RB1: variants seen among roughly 807,000 people sequenced by gnomAD.
The protein encoded by RB1 is retinoblastoma-associated protein.
Under a neutral mutation model 135.4 loss-of-function variants are expected in RB1, and 18 were observed. The ratio of observed to expected loss-of-function variants is 0.13; its 90% confidence interval spans 0.09 to 0.20. The LOEUF is 0.20. Among genes scored for constraint, RB1 ranks in the 10% least tolerant of loss-of-function variants. The pLI is 1.00. For missense variants in RB1, 868 were observed against 1,110.0 expected (o/e 0.78, Z 3.10); for synonymous variants, 365 against 373.2 (o/e 0.98, Z 0.25).
intron 17 of RB1, among the ~76,000 whole-genome samples, chr13:48,410,870 GACT>G (rs1185128342): frequency 2.6e-5 from 4 of 152,020 alleles, no homozygotes; most frequent in Admixed American, 2.6e-4. Context: ...TTCTACAGAA[GACT>G]ACGTTTTTAG....
intron 9 of RB1, 92 bp downstream of exon 9, chr13:48,365,063 ATCACATT>A: frequency 7.0e-7 from 1 of 1,424,068 alleles, no homozygotes; most frequent in Non-Finnish European, 9.3e-7. Context: ...TTTACTGTGT[ATCACATT>A]TTTTTTTTGC....
At chr13:48,456,406 A>G (rs1465125055) in intron 19 of RB1, 57 bp downstream of exon 19, 1 of 1,594,550 alleles carries the variant, frequency 6.3e-7, no homozygotes, top group East Asian at 2.3e-5. Flanking sequence ...GACTGGGTTC[A>G]AATCATGTTT....
At chr13:48,361,003 G>T (rs1294249456) in intron 7 of RB1, among the ~76,000 whole-genome samples, 1 of 152,060 alleles carries the variant, frequency 6.6e-6, no homozygotes, top group Admixed American at 6.6e-5. Flanking sequence ...GTATGGAGCA[G>T]AATTTTGAAG....
Position 48,319,024 on chromosome 13 carries a change from C to A in RB1, c.264+11618C>A. The stretch of plus-strand genomic sequence containing the variant: ...CCGGCAGGGTAGTCTTGGAAATGCC[C>A]AAGATTGCTTCCGCGCGCGTCAGTT... On this transcript the variant is annotated intron_variant, in intron 2 of 26. Transcript: ENST00000267163. This position sits in a 1 kb window ranked among gnomAD's most constrained non-coding sequence, Gnocchi z 5.0. 1 of 681,492 alleles carries A rather than the reference C, an allele frequency of 1.5e-6. No individual in the cohort carries two copies. Among genetic ancestry groups the A allele is most frequent in the South Asian group, 1.4e-5 (1 of 70,382 alleles). 42.2% of individuals were successfully genotyped at this position (681,492 alleles called of 1,614,324 possible).
chr13:48,318,496 C>T, intron 2 of RB1: 2 of 1,154,612 alleles, frequency 1.7e-6, no homozygotes, highest in Admixed American at 2.3e-5. Flanking sequence ...TTACCCTGGC[C>T]CTGCGTCATG....
chr13:48,451,354 G>A (rs954181681), intron 17 of RB1, among the ~76,000 whole-genome samples: 4 of 152,048 alleles, frequency 2.6e-5, no homozygotes, highest in Non-Finnish European at 5.9e-5. Flanking sequence ...TTTATCAAAG[G>A]CCTCTTCTGC....
chr13:48,445,432 T>TCTTTAGCAACCTCTC (rs1385197945), intron 17 of RB1, among the ~76,000 whole-genome samples: 1 of 152,172 alleles, frequency 6.6e-6, no homozygotes, highest in Non-Finnish European at 1.5e-5. Flanking sequence ...AGCAACCTCT[T>TCTTTAGCAACCTCTC]CTTTAGCAAC....
intron 4 of RB1, among the ~76,000 whole-genome samples, 175 bp downstream of exon 4, chr13:48,345,374 A>C (rs1952483617): frequency 6.6e-6 from 1 of 152,182 alleles, no homozygotes; most frequent in African/African-American, 2.4e-5. Context: ...AGTAATATGC[A>C]TTCTGAATGC....
intron 3 of RB1, among the ~76,000 whole-genome samples, chr13:48,343,683 A>G (rs1221970206): frequency 2.0e-5 from 3 of 152,206 alleles, no homozygotes; most frequent in Non-Finnish European, 1.5e-5. Flanking sequence ...GTATTGCCAT[A>G]TACCTCAAAA....
chr13:48,420,024 C>T (rs1948981218), intron 17 of RB1, among the ~76,000 whole-genome samples: 2 of 152,122 alleles, frequency 1.3e-5, no homozygotes, highest in Non-Finnish European at 2.9e-5. Context: ...GAGAGTCCTC[C>T]TTAACTCATT....
chr13:48,342,573 A>G, intron 2 of RB1, 26 bp from the exon 3 acceptor site: 1 of 1,337,590 alleles, frequency 7.5e-7, no homozygotes, highest in Non-Finnish European at 1.1e-6. Flanking sequence ...TTAATGAAAT[A>G]TTTGATCTTT....
intron 2 of RB1, chr13:48,328,068 CA>C: frequency 1.2e-6 from 1 of 825,600 alleles, no homozygotes; most frequent in Admixed American, 1.9e-5. Context: ...ACCCCAATTT[CA>C]AAACATCATT....
intron 17 of RB1, among the ~76,000 whole-genome samples, chr13:48,413,910 G>T (rs371783703): frequency 3.3e-5 from 5 of 152,004 alleles, no homozygotes; most frequent in African/African-American, 7.2e-5. Context: ...CAAAATTTTA[G>T]GTTCATAGTC....
chr13:48,440,164 C>A (rs1411113727), intron 17 of RB1, among the ~76,000 whole-genome samples: 4 of 152,100 alleles, frequency 2.6e-5, no homozygotes, highest in African/African-American at 9.7e-5. Context: ...TTTAATAAAG[C>A]TTCCTTGGGG....
At chr13:48,452,900 T>C (rs1368736011) in intron 17 of RB1, 93 bp from the exon 18 acceptor site, 3 of 1,553,612 alleles carry the variant, frequency 1.9e-6, no homozygotes, top group African/African-American at 1.4e-5. Context: ...CTAAAATTCA[T>C]AGTACTTACC....
Position 48,457,228 on chromosome 13 carries a change from T to C in RB1, c.1960+879T>C, listed in dbSNP as rs141124521. The stretch of plus-strand genomic sequence containing the variant: ...AAAGTCCCGATGAGTGTTCAGCTCC[T>C]AGCAGAGAAGGTAGCTCCTCTCTGC... On this transcript the variant is annotated intron_variant, in intron 19 of 26. Coordinates refer to ENST00000267163, the MANE Select transcript of RB1 (RefSeq NM_000321.3). 5.0e-4 allele frequency among the ~76,000 whole-genome samples: 76 copies of C among 152,224 alleles called. No individual in the cohort carries two copies. In the East Asian group the frequency reaches 0.013, roughly 26 times the overall value.
chr13:48,415,283 C>A (rs1261563378), intron 17 of RB1, among the ~76,000 whole-genome samples: 1 of 150,956 alleles, frequency 6.6e-6, no homozygotes, highest in Non-Finnish European at 1.5e-5. Context: ...TTTTCTTTTT[C>A]TTTTTCTTTC....
chr13:48,461,129 A>G (rs1454239856), intron 20 of RB1, among the ~76,000 whole-genome samples: 1 of 152,140 alleles, frequency 6.6e-6, no homozygotes, highest in African/African-American at 2.4e-5. Flanking sequence ...TTTGTATCAC[A>G]CCAGAAAGAA....
chr13:48,436,793 G>GAA (rs1220320708), intron 17 of RB1, among the ~76,000 whole-genome samples: 2 of 152,182 alleles, frequency 1.3e-5, no homozygotes, highest in African/African-American at 4.8e-5. Flanking sequence ...TTCTATTCTA[G>GAA]TTTCCTCTTG....
Sources: allele counts gnomAD v4.1 joint callset (sites outside exome capture counted in the v4.1 genomes callset), GRCh38; gene constraint gnomAD v4.1.1; non-coding constraint Gnocchi (gnomAD v3.1); transcripts MANE v1.5; gene names NCBI Gene and HGNC (gene_info 2026-07-23, HGNC 2026-07-21).